The following PRPF18 variants were observed in gnomAD, a reference collection of about 807,000 sequenced individuals.
PRPF18 encodes the protein pre-mRNA processing factor 18.
A neutral mutation model predicts 46.5 loss-of-function variants in PRPF18; 38 were observed. The observed-to-expected ratio is 0.82, with a 90% CI of 0.63 to 1.07. PRPF18 has a LOEUF of 1.07. Among genes scored for constraint, PRPF18 ranks in the 50% least tolerant of loss-of-function variants. The pLI is 0.00. For missense variants in PRPF18, 263 were observed against 410.0 expected (o/e 0.64, Z 3.10); for synonymous variants, 152 against 146.7 (o/e 1.04, Z -0.26).
At chr10:13,600,943 A>AT (rs1156894638) in intron 3 of PRPF18, among the ~76,000 whole-genome samples, 3 of 151,096 alleles carry the variant, frequency 2.0e-5, no homozygotes, top group African/African-American at 7.3e-5. Context: ...CACCCAGCTA[A>AT]TTTTTTTTTG....
intron 1 of PRPF18, among the ~76,000 whole-genome samples, chr10:13,596,013 A>G (rs951795357): frequency 3.3e-5 from 5 of 152,294 alleles, no homozygotes; most frequent in South Asian, 2.1e-4. Context: ...ACATTCGTAT[A>G]TTTTCCAACT....
chr10:13,628,290 G>T (rs1476812802), intron 9 of PRPF18, among the ~76,000 whole-genome samples: 1 of 152,164 alleles, frequency 6.6e-6, no homozygotes, highest in African/African-American at 2.4e-5. Context: ...TTGTTTCTCT[G>T]ATGTGGAATC....
At chr10:13,601,807 A>G (rs1262460400) in intron 3 of PRPF18, among the ~76,000 whole-genome samples, 1 of 152,194 alleles carries the variant, frequency 6.6e-6, no homozygotes, top group African/African-American at 2.4e-5. Context: ...CATGAAGAGA[A>G]CAGTCCTTAA....
chr10:13,610,065 C>G lies in PRPF18; in HGVS notation c.390C>G (p.Ala130=). 1.1e-5 allele frequency: 18 copies of G among 1,612,664 alleles called. No individual in the cohort carries two copies. Among genetic ancestry groups the G allele is most frequent in the Non-Finnish European group, 1.5e-5 (18 of 1,178,942 alleles). ...NKGLRNDLKA[A]LDKIDQQYLN... is the part of the protein sequence containing the mutation. Reference sequence around the variant, plus strand: ...GATTGAGGAATGATTTGAAAGCAGCCTTGGATAAGATTGATCAGCAGTACC... The same window carrying G: ...GATTGAGGAATGATTTGAAAGCAGCGTTGGATAAGATTGATCAGCAGTACC... The change falls in exon 5 of 10, where the codon GCC becomes GCG. Residue 130 remains alanine (A), a synonymous_variant. Coordinates refer to ENST00000378572, the MANE Select transcript of PRPF18 (RefSeq NM_003675.4).
the PRPF18 span, chr10:13,639,754 T>C: frequency 1.2e-4 from 18 of 152,322 alleles, no homozygotes; most frequent in African/African-American, 4.3e-4. Flanking sequence ...CAGACACATC[T>C]TCATACTCTG....
downstream of PRPF18, among the ~76,000 whole-genome samples, chr10:13,633,228 G>A (rs563108590): frequency 6.6e-6 from 1 of 152,336 alleles, no homozygotes; most frequent in East Asian, 1.9e-4. Context: ...GAGCTAGGCA[G>A]GCAGCTGTCG....
At chr10:13,639,729 C>G in the PRPF18 span, 6 of 152,164 alleles carry the variant, frequency 3.9e-5, no homozygotes, top group African/African-American at 1.4e-4. Flanking sequence ...GGTTGTGAGG[C>G]TGTTGTCTCA....
intron 4 of PRPF18, among the ~76,000 whole-genome samples, chr10:13,608,228 G>A (rs1160729311): frequency 6.6e-6 from 1 of 152,160 alleles, no homozygotes; most frequent in Non-Finnish European, 1.5e-5. Context: ...ATCTTGCTTG[G>A]GGTCTTTATT....
In PRPF18 at chr10:13,616,412, T is replaced by C. The variant is rs200494420; in HGVS notation, c.807T>C (p.Tyr269=). 2.5e-6 allele frequency: 4 copies of C among 1,608,910 alleles called. No individual in the cohort carries two copies. The highest frequency in any genetic ancestry group is 1.3e-5 in the African/African-American group (1 of 74,820). The change falls in exon 9 of 10, where the codon TAT becomes TAC. Residue 269 remains tyrosine, a synonymous_variant. Transcript: ENST00000378572. The part of the protein sequence containing the change: ...QREYVKANDA[Y]LQMAIGNAPW... ...TTTCCTTTCAGGCAAATGATGCTTA[T>C]CTTCAGATGGCCATTGGAAATGCGC...
chr10:13,606,752 A>AAAAAAC (rs2080191550), intron 4 of PRPF18, among the ~76,000 whole-genome samples: 2 of 151,556 alleles, frequency 1.3e-5, no homozygotes, highest in Non-Finnish European at 2.9e-5. Flanking sequence ...AAAAAAAAAA[A>AAAAAAC]AAAAAACAGG....
At chr10:13,628,119 A>T (rs2080536328) in intron 9 of PRPF18, among the ~76,000 whole-genome samples, 1 of 152,230 alleles carries the variant, frequency 6.6e-6, no homozygotes, top group Non-Finnish European at 1.5e-5. Flanking sequence ...ACCTGATTAC[A>T]CAGGGAACAA....
chr10:13,628,452 C>T (rs1200749510), intron 9 of PRPF18, among the ~76,000 whole-genome samples: 1 of 152,162 alleles, frequency 6.6e-6, no homozygotes, highest in Non-Finnish European at 1.5e-5. Context: ...TGCACATCCT[C>T]CTGTATACTT....
intron 3 of PRPF18, among the ~76,000 whole-genome samples, chr10:13,603,294 AGGTGGTGGTGGT>A (rs954409309): frequency 7.0e-6 from 1 of 142,020 alleles, no homozygotes; most frequent in Non-Finnish European, 1.5e-5. Context: ...TTTTTGGGGG[AGGTGGTGGTGGT>A]GGTGGTGGTG....
At chr10:13,604,994 GTCTT>G (rs2080163633) in intron 3 of PRPF18, among the ~76,000 whole-genome samples, 1 of 152,148 alleles carries the variant, frequency 6.6e-6, no homozygotes, top group Non-Finnish European at 1.5e-5. Context: ...TTATATTAGG[GTCTT>G]TCTTTAGACT....
intron 1 of PRPF18, among the ~76,000 whole-genome samples, chr10:13,592,926 C>T (rs1180037308): frequency 1.3e-5 from 2 of 152,228 alleles, no homozygotes; most frequent in African/African-American, 4.8e-5. Context: ...AGAGCAACAG[C>T]TAACACCACT....
At chr10:13,603,275 CTG>C (rs2080140432) in intron 3 of PRPF18, among the ~76,000 whole-genome samples, 1 of 149,492 alleles carries the variant, frequency 6.7e-6, no homozygotes, top group South Asian at 2.1e-4. Context: ...CCTTTAGTCT[CTG>C]TGTCATTTTT....
chr10:13,629,947 A>G (rs1315132246), intron 9 of PRPF18, among the ~76,000 whole-genome samples: 2 of 152,222 alleles, frequency 1.3e-5, no homozygotes, highest in Non-Finnish European at 2.9e-5. Flanking sequence ...GCTAGAGTTA[A>G]TTCATTTTTA....
chr10:13,614,119 A>C (rs1293013446), intron 8 of PRPF18, 33 bp downstream of exon 8: 1 of 1,462,414 alleles, frequency 6.8e-7, no homozygotes. Flanking sequence ...GAAATTGTTA[A>C]GAGTATATCT....
At chr10:13,650,954 A>G in the PRPF18 span, 1 of 152,224 alleles carries the variant, frequency 6.6e-6, no homozygotes, top group Non-Finnish European at 1.5e-5. Context: ...TCTAAGTCTT[A>G]GAGCACTTAA....
Sources: allele counts gnomAD v4.1 joint callset (sites outside exome capture counted in the v4.1 genomes callset), GRCh38; gene constraint gnomAD v4.1.1; transcripts MANE v1.5; gene names NCBI Gene and HGNC (gene_info 2026-07-23, HGNC 2026-07-21).